The following CDH20 variants were observed in gnomAD, a reference collection of about 807,000 sequenced individuals.
CDH20 encodes the protein cadherin-20.
A neutral mutation model predicts 74.2 loss-of-function variants in CDH20; 29 were observed. That is an observed-to-expected ratio of 0.39 (90% CI 0.29 to 0.53). The LOEUF (loss-of-function observed/expected upper bound fraction) is 0.53. Among genes scored for constraint, CDH20 ranks in the 20% least tolerant of loss-of-function variants. The probability of loss-of-function intolerance (pLI) is 0.69; values close to 1 mark genes in which losing one functional copy is unlikely to be tolerated. For missense variants in CDH20, 988 were observed against 1,048.3 expected (o/e 0.94, Z 0.79); for synonymous variants, 469 against 405.4 (o/e 1.16, Z -1.88).
In CDH20 at chr18:61,527,847, C is replaced by T. The variant is rs143394216; in HGVS notation, c.1018-120C>T. 7 of 905,686 alleles carry T rather than the reference C, an allele frequency of 7.7e-6. No homozygotes were observed. The African/African-American group carries it at 1.2e-4, about 15-fold the overall frequency. 56.1% of individuals were successfully genotyped at this position (905,686 alleles called of 1,614,324 possible). Reference sequence around the variant, plus strand: ...CCTTCTTTCCCGTTTACCTTTTTCCCACTTAATGAATTGGAGAATCTTCCC... The same window carrying T: ...CCTTCTTTCCCGTTTACCTTTTTCCTACTTAATGAATTGGAGAATCTTCCC... On this transcript the variant is annotated intron_variant, in intron 6 of 11. Coordinates refer to ENST00000262717, the MANE Select transcript of CDH20 (RefSeq NM_031891.4).
chr18:61,403,946 G>A (rs2144231714), intron 1 of CDH20, among the ~76,000 whole-genome samples: 1 of 152,288 alleles, frequency 6.6e-6, no homozygotes, highest in East Asian at 1.9e-4. Context: ...ATGGATGGAG[G>A]TGGAAGTCAT....
intron 1 of CDH20, among the ~76,000 whole-genome samples, chr18:61,358,130 T>G (rs1409641452): frequency 6.6e-6 from 1 of 151,654 alleles, no homozygotes; most frequent in Non-Finnish European, 1.5e-5. Context: ...TTTTTTTTTT[T>G]TCGAGATGGA....
intron 1 of CDH20, among the ~76,000 whole-genome samples, chr18:61,453,966 A>G (rs1909485784): frequency 1.3e-5 from 2 of 152,116 alleles, no homozygotes; most frequent in South Asian, 4.1e-4. Context: ...CCTCACCAGC[A>G]TTTGGTGTTG....
chr18:61,553,094 C>G (rs1413879993), intron 11 of CDH20, among the ~76,000 whole-genome samples: 1 of 152,036 alleles, frequency 6.6e-6, no homozygotes, highest in Non-Finnish European at 1.5e-5. Context: ...GATAAAAAAG[C>G]ACATCTACAT....
chr18:61,437,367 T>C (rs1341388114), intron 1 of CDH20, among the ~76,000 whole-genome samples: 3 of 152,206 alleles, frequency 2.0e-5, no homozygotes, highest in Non-Finnish European at 2.9e-5. Context: ...TCAGGCCATT[T>C]ATGGCCCTTA....
At chr18:61,431,646 G>A (rs932626639) in intron 1 of CDH20, among the ~76,000 whole-genome samples, 2 of 145,278 alleles carry the variant, frequency 1.4e-5, no homozygotes, top group South Asian at 2.3e-4. Context: ...ACCATATATA[G>A]TTCAATAAAT....
intron 1 of CDH20, among the ~76,000 whole-genome samples, chr18:61,418,500 G>C (rs1342769836): frequency 7.4e-6 from 1 of 136,034 alleles, no homozygotes; most frequent in South Asian, 2.3e-4. Context: ...TTTGCAGTGA[G>C]CCAAGATCGC....
intron 1 of CDH20, among the ~76,000 whole-genome samples, chr18:61,395,343 G>A (rs535093278): frequency 1.3e-5 from 2 of 152,254 alleles, no homozygotes; most frequent in Admixed American, 1.3e-4. Flanking sequence ...AATTCATAGT[G>A]CAGTGCCTGG....
At position 61,490,666 on chromosome 18, in the gene CDH20, C is replaced by A; in HGVS notation, c.113C>A (p.Thr38Lys). Residue 38 changes from threonine to lysine, a missense_variant, in exon 2 of 12, where the codon ACA becomes AAA. By Grantham distance (78) the Thr-to-Lys change is moderately conservative. Coordinates refer to ENST00000262717, the MANE Select transcript of CDH20 (RefSeq NM_031891.4). ...LTTTVLSDTP[T>K]PQGELEALLS... ...ACCACCGTTCTCTCGGACACCCCAA[C>A]ACCACAAGGTGAATTAGAAGCACTC... is the stretch of plus-strand genomic sequence containing the variant. 1 of 1,614,100 alleles carries A rather than the reference C, an allele frequency of 6.2e-7. No homozygotes were observed. Among genetic ancestry groups the A allele is most frequent in the Non-Finnish European group, 8.5e-7 (1 of 1,180,050 alleles).
chr18:61,453,880 C>T (rs1236551640), intron 1 of CDH20, among the ~76,000 whole-genome samples: 2 of 152,058 alleles, frequency 1.3e-5, no homozygotes, highest in African/African-American at 4.8e-5. Flanking sequence ...TAAGAAACTG[C>T]CAAAGTATTT....
intron 9 of CDH20, among the ~76,000 whole-genome samples, chr18:61,541,408 C>A (rs1913033270): frequency 6.6e-6 from 1 of 151,982 alleles, no homozygotes; most frequent in African/African-American, 2.4e-5. Context: ...AATTAAACCT[C>A]CTTCCCCCCA....
intron 1 of CDH20, among the ~76,000 whole-genome samples, chr18:61,478,418 T>C (rs139324625): frequency 6.6e-6 from 1 of 152,124 alleles, no homozygotes; most frequent in African/African-American, 2.4e-5. Flanking sequence ...CTAATAACTG[T>C]TTAATTCAAT....
chr18:61,443,086 T>A (rs1909085157), intron 1 of CDH20, among the ~76,000 whole-genome samples: 1 of 151,986 alleles, frequency 6.6e-6, no homozygotes, highest in African/African-American at 2.4e-5. Flanking sequence ...CATGAATGGG[T>A]GAAAGAATAA....
At chr18:61,343,548 T>A (rs1322123849) in intron 1 of CDH20, among the ~76,000 whole-genome samples, 1 of 152,288 alleles carries the variant, frequency 6.6e-6, no homozygotes, top group East Asian at 1.9e-4. Flanking sequence ...TCCAACCTGC[T>A]TTACTTTCTC....
chr18:61,387,844 A>T (rs1318819378), intron 1 of CDH20, among the ~76,000 whole-genome samples: 1 of 152,188 alleles, frequency 6.6e-6, no homozygotes, highest in East Asian at 1.9e-4. Context: ...GAATTATTTC[A>T]AATTCTAAGC....
chr18:61,402,298 C>A (rs531465485), intron 1 of CDH20, among the ~76,000 whole-genome samples: 3 of 152,270 alleles, frequency 2.0e-5, no homozygotes, highest in East Asian at 3.9e-4. Context: ...TCATTCTTCA[C>A]CCTGCTGTAA....
rs115773009 is a variant in CDH20, at chr18:61,435,483, G to T, written c.-152-54919G>T. 7.5e-3 allele frequency among the ~76,000 whole-genome samples: 1,143 copies of T among 152,054 alleles called. 11 individuals carry two copies. The highest frequency in any genetic ancestry group is 0.025 in the African/African-American group (1,023 of 41,494). Reference sequence around the variant, plus strand: ...TTCCCAGGACAGTTTGCATCATAAAGAGAACCTAATACAGGCCAGGCATAA... The same window carrying T: ...TTCCCAGGACAGTTTGCATCATAAATAGAACCTAATACAGGCCAGGCATAA... On this transcript the variant is annotated intron_variant, in intron 1 of 11. Transcript: ENST00000262717.
intron 6 of CDH20, among the ~76,000 whole-genome samples, chr18:61,516,441 T>C (rs1386977194): frequency 6.6e-6 from 1 of 152,182 alleles, no homozygotes; most frequent in African/African-American, 2.4e-5. Context: ...AGTATAATAG[T>C]GTGCTGTGAG....
chr18:61,469,131 A>G (rs1480575603), intron 1 of CDH20, among the ~76,000 whole-genome samples: 1 of 152,228 alleles, frequency 6.6e-6, no homozygotes, highest in Non-Finnish European at 1.5e-5. Context: ...AGCCAACTTC[A>G]GAATTCAATT....
Sources: allele counts gnomAD v4.1 joint callset (sites outside exome capture counted in the v4.1 genomes callset), GRCh38; gene constraint gnomAD v4.1.1; transcripts MANE v1.5; gene names NCBI Gene and HGNC (gene_info 2026-07-23, HGNC 2026-07-21).